Variants in SEZ6L observed in about 807,000 individuals in gnomAD.
SEZ6L encodes the protein seizure related 6 homolog like.
Under a neutral mutation model 106.2 loss-of-function variants are expected in SEZ6L, and 37 were observed. The ratio of observed to expected loss-of-function variants is 0.35; its 90% CI spans 0.27 to 0.46. SEZ6L has a LOEUF of 0.46. Among genes scored for constraint, SEZ6L ranks in the 20% least tolerant of loss-of-function variants. The probability of loss-of-function intolerance (pLI) is 1.00; values close to 1 mark genes in which losing one functional copy is unlikely to be tolerated. For synonymous variants in SEZ6L, 541 were observed against 570.4 expected (o/e 0.95, Z 0.73); for missense variants, 1,172 against 1,332.8 (o/e 0.88, Z 1.88).
At chr22:26,353,461 A>G (rs960256638) in intron 12 of SEZ6L, among the ~76,000 whole-genome samples, 2 of 152,342 alleles carry the variant, frequency 1.3e-5, no homozygotes, top group Non-Finnish European at 2.9e-5. Context: ...ACATTTCTAG[A>G]CACTATATAT....
At chr22:26,340,895 G>A (rs1307145993) in intron 10 of SEZ6L, among the ~76,000 whole-genome samples, 1 of 152,178 alleles carries the variant, frequency 6.6e-6, no homozygotes, top group African/African-American at 2.4e-5. Context: ...TGTAAGATGG[G>A]CATAGTGATA....
intron 8 of SEZ6L, 119 bp downstream of exon 8, chr22:26,312,081 G>A (rs2081856226): frequency 9.9e-7 from 1 of 1,012,454 alleles, no homozygotes; most frequent in Non-Finnish European, 1.4e-6. Flanking sequence ...TTTAGGATTA[G>A]AACCCTTTCC....
chr22:26,277,482 T>C (rs1387119500), intron 1 of SEZ6L, among the ~76,000 whole-genome samples: 5 of 152,320 alleles, frequency 3.3e-5, no homozygotes, highest in Admixed American at 6.5e-5. Flanking sequence ...AATTAATCAG[T>C]TGGGCTTCTG....
At chr22:26,199,863 C>G (rs1052828433) in intron 1 of SEZ6L, among the ~76,000 whole-genome samples, 2 of 152,218 alleles carry the variant, frequency 1.3e-5, no homozygotes, top group Non-Finnish European at 2.9e-5. Flanking sequence ...TAGAGCACCT[C>G]CCATGGCCAG....
intron 1 of SEZ6L, among the ~76,000 whole-genome samples, chr22:26,194,493 G>A (rs539521350): frequency 6.6e-6 from 1 of 152,330 alleles, no homozygotes; most frequent in East Asian, 1.9e-4. Flanking sequence ...TGGGTGGCAA[G>A]ATTGGATTGC....
rs368031546 is a variant in SEZ6L at position 26,246,885 on chromosome 22, C to T, written c.95-45521C>T. Among the ~76,000 whole-genome samples, 45 of 152,226 alleles carry T rather than the reference C, an allele frequency of 3.0e-4. 2 individuals are homozygous for T. Among genetic ancestry groups the T allele is most frequent in the African/African-American group, 9.9e-4 (41 of 41,536 alleles). On this transcript the variant is annotated intron_variant, in intron 1 of 16. Transcript: ENST00000248933. ...CTTCTAATGCATTTCCTTATGGCACCGTCTGGGTCTCAATGTTTCTGTCAG... is the reference window on the plus strand; with the variant it reads ...CTTCTAATGCATTTCCTTATGGCACTGTCTGGGTCTCAATGTTTCTGTCAG...
At position 26,169,504 on chromosome 22, in the gene SEZ6L, C is replaced by T. The variant is rs1248807493; in HGVS notation, c.-166C>T. 2.8e-6 allele frequency: 1 copy of T among 358,148 alleles called. No individual in the cohort carries two copies. The highest frequency in any genetic ancestry group is 5.0e-6 in the Non-Finnish European group (1 of 200,652). 22.2% of individuals were successfully genotyped at this position (358,148 alleles called of 1,614,324 possible). ...CGGCGCAGCTCGGCCAGAGCGACCGCGGGGCTGAGCGCGCGTCCGCCCAGG... is the reference window on the plus strand; with the variant it reads ...CGGCGCAGCTCGGCCAGAGCGACCGTGGGGCTGAGCGCGCGTCCGCCCAGG... On this transcript the variant is annotated 5_prime_UTR_variant, in exon 1 of 17. Coordinates refer to ENST00000248933, the MANE Select transcript of SEZ6L (RefSeq NM_021115.5).
chr22:26,233,767 A>G (rs1016784015), intron 1 of SEZ6L, among the ~76,000 whole-genome samples: 20 of 152,216 alleles, frequency 1.3e-4, no homozygotes, highest in Non-Finnish European at 5.9e-5. Flanking sequence ...GACCCCTGCT[A>G]TGCAGTGTCA....
In SEZ6L at chr22:26,380,516, T is replaced by TA. The variant is rs1426353035; in HGVS notation, c.*222dup. ...TTCGCGGCCTCAGCCAAATTCATGT[T>TA]ACAGCCTCAATTCTGAAGGCAGGTG... On this transcript the variant is annotated 3_prime_UTR_variant, in exon 17 of 17. Coordinates refer to ENST00000248933, the MANE Select transcript of SEZ6L (RefSeq NM_021115.5). The TA allele has an allele frequency of 6.9e-6, 3 of 436,512 alleles. No individual in the cohort carries two copies. The highest frequency in any genetic ancestry group is 5.9e-5 in the African/African-American group (3 of 50,720). The allele number at this position is 436,512 out of a possible 1,614,324, so 27.0% of individuals were successfully genotyped here. A position where few individuals can be genotyped will look rare whatever the true frequency, so the allele number is the denominator to read the frequency against.
chr22:26,192,833 GA>G (rs1556044498), intron 1 of SEZ6L, among the ~76,000 whole-genome samples: 1 of 152,154 alleles, frequency 6.6e-6, no homozygotes, highest in Non-Finnish European at 1.5e-5. Context: ...GTCAACCCAA[GA>G]TAATAAAATA....
rs141874414 is a variant in SEZ6L at position 26,189,141 on chromosome 22, A to AC, written c.94+19378_94+19379insC. Among the ~76,000 whole-genome samples, 1,471 of 152,282 alleles carry AC rather than the reference A, an allele frequency of 9.7e-3. 22 individuals carry two copies. Among genetic ancestry groups the AC allele is most frequent in the African/African-American group, 0.034 (1,400 of 41,548 alleles). ...ACTTGTCAATAGTCAATTAAAATTG[A>AC]TATTGTCAAGTACCTACTATTTGCC... On this transcript the variant is annotated intron_variant, in intron 1 of 16. Coordinates refer to ENST00000248933, the MANE Select transcript of SEZ6L (RefSeq NM_021115.5).
chr22:26,360,208 C>G (rs1268976445), intron 12 of SEZ6L, among the ~76,000 whole-genome samples: 1 of 152,186 alleles, frequency 6.6e-6, no homozygotes, highest in African/African-American at 2.4e-5. Flanking sequence ...AGCCAGGGCA[C>G]AGGATAACCC....
chr22:26,169,720 C>A lies in SEZ6L; in HGVS notation c.51C>A (p.Phe17Leu), dbSNP rs199592259. The A allele has an allele frequency of 0.02, 26,362 of 1,293,474 alleles. 308 individuals are homozygous for A. The highest frequency in any genetic ancestry group is 0.023 in the Non-Finnish European group (23,620 of 1,023,348). 80.1% of individuals were successfully genotyped at this position (1,293,474 alleles called of 1,614,324 possible). Residue 17 changes from phenylalanine to leucine, a missense_variant, in exon 1 of 17, where the codon TTC becomes TTA. Around this residue, in one of 4 missense-constraint regions of SEZ6L, gnomAD observed 494 missense variants for 445.8 expected, o/e 1.11. Transcript: ENST00000248933. ...CGGGACTCCGCGGGATCTCGCTGTT[C>A]CTCGCTCTGCTCCTGGGGAGCCCGG... ...PAAGLRGISLFLALLLGSPAA... is the reference protein window; with the variant it reads ...PAAGLRGISLLLALLLGSPAA...
At chr22:26,224,674 C>T (rs2145731185) in intron 1 of SEZ6L, among the ~76,000 whole-genome samples, 1 of 152,210 alleles carries the variant, frequency 6.6e-6, no homozygotes, top group East Asian at 1.9e-4. Context: ...TGGAGAAGAG[C>T]ATACAGATAC....
At chr22:26,245,424 G>C (rs979840028) in intron 1 of SEZ6L, among the ~76,000 whole-genome samples, 9 of 152,048 alleles carry the variant, frequency 5.9e-5, no homozygotes, top group Non-Finnish European at 8.8e-5. Flanking sequence ...TGTTCTGCAG[G>C]CTCCTTCTCC....
At chr22:26,272,730 C>T (rs965212134) in intron 1 of SEZ6L, among the ~76,000 whole-genome samples, 1 of 152,140 alleles carries the variant, frequency 6.6e-6, no homozygotes, top group African/African-American at 2.4e-5. Flanking sequence ...TGAATGAATT[C>T]ATGAGTGAAT....
chr22:26,273,809 T>C (rs1332755670), intron 1 of SEZ6L, among the ~76,000 whole-genome samples: 1 of 152,020 alleles, frequency 6.6e-6, no homozygotes, highest in Non-Finnish European at 1.5e-5. Context: ...ATGGGATAGA[T>C]TGGGGTGGGG....
chr22:26,174,504 G>A (rs748267330), intron 1 of SEZ6L, among the ~76,000 whole-genome samples: 9 of 152,202 alleles, frequency 5.9e-5, no homozygotes, highest in Non-Finnish European at 1.2e-4. Context: ...CTGGAACAAA[G>A]GACTTTGAGC....
intron 13 of SEZ6L, among the ~76,000 whole-genome samples, chr22:26,369,356 T>TTTTTTTTTTTTTTTTTTTTTTTTTTTG (rs1601635216): frequency 2.4e-5 from 3 of 127,142 alleles, no homozygotes; most frequent in Admixed American, 8.7e-5. Flanking sequence ...GTTTTTTTTT[T>TTTTTTTTTTTTTTTTTTTTTTTTTTTG]TGAGACAGAT....
Sources: gnomAD v4.1 joint callset for allele counts (sites outside exome capture counted in the v4.1 genomes callset) on GRCh38, gnomAD v4.1.1 for gene constraint, gnomAD v4.1.1 regional missense constraint, MANE v1.5 for transcripts, NCBI Gene and HGNC (gene_info 2026-07-23, HGNC 2026-07-21) for gene names.